PLEKHA5: variants seen among roughly 807,000 people sequenced by gnomAD.
PLEKHA5 encodes pleckstrin homology domain-containing family A member 5.
PLEKHA5 carries 55 observed loss-of-function variants against 181.9 expected under a neutral mutation model. The ratio of observed to expected loss-of-function variants is 0.30; its 90% CI spans 0.24 to 0.38. PLEKHA5 has a LOEUF of 0.38. PLEKHA5 is among the 10% of genes least tolerant of loss of function. The probability of loss-of-function intolerance (pLI) is 1.00; values close to 1 mark genes in which losing one functional copy is unlikely to be tolerated. For synonymous variants in PLEKHA5, 535 were observed against 529.4 expected (o/e 1.01, Z -0.15); for missense variants, 1,432 against 1,549.5 (o/e 0.92, Z 1.27).
At chr12:19,327,541 A>G (rs1592505466) in intron 20 of PLEKHA5, among the ~76,000 whole-genome samples, 1 of 151,436 alleles carries the variant, frequency 6.6e-6, no homozygotes, top group East Asian at 1.9e-4. Context: ...CTCATTCTGT[A>G]GGCTGTTTAC....
intron 3 of PLEKHA5, among the ~76,000 whole-genome samples, chr12:19,199,706 A>G (rs1353498560): frequency 1.3e-5 from 2 of 152,198 alleles, no homozygotes; most frequent in Non-Finnish European, 1.5e-5. Flanking sequence ...CACAGAAGCC[A>G]TGGAGGAAAA....
At chr12:19,263,773 T>G (rs540057225) in intron 7 of PLEKHA5, among the ~76,000 whole-genome samples, 4 of 152,152 alleles carry the variant, frequency 2.6e-5, no homozygotes, top group Non-Finnish European at 5.9e-5. Context: ...TTGGAGAGTG[T>G]TGTTCTTGGA....
intron 16 of PLEKHA5, among the ~76,000 whole-genome samples, chr12:19,319,056 AACTT>A (rs1327823540): frequency 1.2e-4 from 19 of 152,140 alleles, no homozygotes; most frequent in Non-Finnish European, 2.6e-4. Flanking sequence ...ACCTATTTAA[AACTT>A]ACTTCATATT....
intron 19 of PLEKHA5, 36 bp downstream of exon 19, chr12:19,322,426 T>C: frequency 6.4e-7 from 1 of 1,571,640 alleles, no homozygotes; most frequent in Non-Finnish European, 8.8e-7. Flanking sequence ...CAATTGATGT[T>C]ACTTAATATG....
rs1173046405 is a variant in PLEKHA5, at chr12:19,362,189, AAAG to A, written c.3608+484_3608+486del. On this transcript the variant is annotated intron_variant, in intron 29 of 31. Coordinates refer to ENST00000429027, the MANE Select transcript of PLEKHA5 (RefSeq NM_001256470.2). ...TCTCAAAAAAAAAAAAAAAAAAAAA[AAAG>A]GCATAATAACAGTATCTATCTGACA... is the stretch of plus-strand genomic sequence containing the variant. Among the ~76,000 whole-genome samples the A allele has an allele frequency of 4.2e-3, 533 of 126,672 alleles. 3 individuals carry two copies. The highest frequency in any genetic ancestry group is 0.013 in the African/African-American group (506 of 37,616). 83.1% of individuals were successfully genotyped at this position (126,672 alleles called of 152,430 possible).
At chr12:19,253,050 C>A (rs1014925403) in intron 3 of PLEKHA5, among the ~76,000 whole-genome samples, 5 of 97,682 alleles carry the variant, frequency 5.1e-5, no homozygotes, top group Non-Finnish European at 7.7e-5. Flanking sequence ...AGCTAAACAG[C>A]CAAATCAACT....
Position 19,290,575 on chromosome 12 carries a change from A to G in PLEKHA5, c.1864-102A>G, listed in dbSNP as rs1032497027. On this transcript the variant is annotated intron_variant, in intron 13 of 31. Coordinates refer to ENST00000429027, the MANE Select transcript of PLEKHA5 (RefSeq NM_001256470.2). The stretch of plus-strand genomic sequence containing the variant: ...CTAGGCACTATGTTTGATGTCAACC[A>G]TAAGAGGAAACTTGCCAAGAAATCT... 13 of 1,033,570 alleles carry G rather than the reference A, an allele frequency of 1.3e-5. No homozygotes were observed. The East Asian group carries it at 2.1e-4, about 17-fold the overall frequency. The allele number at this position is 1,033,570 out of a possible 1,614,324, so 64.0% of individuals were successfully genotyped here. A position where few individuals can be genotyped will look rare whatever the true frequency, so the allele number is the denominator to read the frequency against.
chr12:19,363,738 C>T (rs370802803), intron 29 of PLEKHA5, among the ~76,000 whole-genome samples: 212 of 152,106 alleles, frequency 1.4e-3, no homozygotes, highest in Middle Eastern at 3.4e-3. Context: ...GTGATCCACC[C>T]GCCTCAGCCT....
chr12:19,263,060 C>T lies in PLEKHA5; in HGVS notation c.610+2039C>T, dbSNP rs1186669126. ...TAACTCATTTCAGATGACTGCTCTG[C>T]AGGCTGTTGGAAAGAAGTATATGAT... On this transcript the variant is annotated intron_variant, in intron 7 of 31. Transcript: ENST00000429027. Among the ~76,000 whole-genome samples the T allele has an allele frequency of 4.6e-5, 7 of 152,260 alleles. No individual in the cohort carries two copies. The South Asian group carries it at 1.2e-3, about 27-fold the overall frequency.
intron 5 of PLEKHA5, among the ~76,000 whole-genome samples, chr12:19,255,425 G>A (rs1242848946): frequency 4.6e-5 from 7 of 151,992 alleles, no homozygotes; most frequent in Non-Finnish European, 7.4e-5. Flanking sequence ...AGTTTTAAAG[G>A]TGATTATTCA....
In PLEKHA5 at chr12:19,228,831, C is replaced by A. The variant is rs143689148; in HGVS notation, c.228-25109C>A. On this transcript the variant is annotated intron_variant, in intron 3 of 31. Transcript: ENST00000429027. ...AAAAATGCTTATTTTATGGAAAAAGCATTACACTCTAAATATTTGCTAAAC... is the reference window on the plus strand; with the variant it reads ...AAAAATGCTTATTTTATGGAAAAAGAATTACACTCTAAATATTTGCTAAAC... 1.3e-3 allele frequency among the ~76,000 whole-genome samples: 202 copies of A among 152,228 alleles called. 1 individual carries two copies. Among genetic ancestry groups the A allele is most frequent in the East Asian group, 0.011 (55 of 5,178 alleles).
intron 3 of PLEKHA5, among the ~76,000 whole-genome samples, chr12:19,248,204 TAG>T (rs2064280761): frequency 1.3e-5 from 2 of 152,024 alleles, no homozygotes; most frequent in Admixed American, 6.5e-5. Flanking sequence ...GCCTGAGGGA[TAG>T]AGTGTTTAAT....
chr12:19,223,144 A>G (rs1592117674), intron 3 of PLEKHA5, among the ~76,000 whole-genome samples: 1 of 151,768 alleles, frequency 6.6e-6, no homozygotes, highest in East Asian at 1.9e-4. Context: ...CGTGGCTCCT[A>G]AGTGGAAATG....
chr12:19,246,398 G>A (rs1288366109), intron 3 of PLEKHA5, among the ~76,000 whole-genome samples: 1 of 151,856 alleles, frequency 6.6e-6, no homozygotes, highest in East Asian at 2.0e-4. Flanking sequence ...GCTGAGGTGG[G>A]TGGATCATGA....
chr12:19,224,096 G>C (rs1438976072), intron 3 of PLEKHA5, among the ~76,000 whole-genome samples: 2 of 152,128 alleles, frequency 1.3e-5, no homozygotes, highest in Non-Finnish European at 1.5e-5. Flanking sequence ...TAGATTAACT[G>C]TCTTCCTCCA....
intron 3 of PLEKHA5, among the ~76,000 whole-genome samples, chr12:19,241,071 G>A (rs2062486858): frequency 6.6e-6 from 1 of 152,092 alleles, no homozygotes; most frequent in African/African-American, 2.4e-5. Context: ...TTGTATGCAA[G>A]CCATTATACT....
chr12:19,278,250 G>A (rs538803412), intron 11 of PLEKHA5, among the ~76,000 whole-genome samples: 39 of 152,250 alleles, frequency 2.6e-4, no homozygotes, highest in African/African-American at 9.1e-4. Flanking sequence ...ATATCCTGCT[G>A]TTAATGATCA....
chr12:19,358,249 G>A lies in PLEKHA5; in HGVS notation c.3160G>A (p.Glu1054Lys), dbSNP rs1213652385. The change falls in exon 27 of 32, where the codon GAA becomes AAA. Residue 1054 changes from glutamate to lysine, a missense_variant. Transcript: ENST00000429027. ...GAAGGAAAGACCAAGAAGTGCAGTG[G>A]AACAGCTCTGTTTGGCTGAAAGTAC... ...LRTERPRSAV[E>K]QLCLAESTRP... 1 of 1,613,520 alleles carries A rather than the reference G, an allele frequency of 6.2e-7. No homozygotes were observed. Among genetic ancestry groups the A allele is most frequent in the Non-Finnish European group, 8.5e-7 (1 of 1,179,524 alleles).
intron 15 of PLEKHA5, among the ~76,000 whole-genome samples, chr12:19,294,494 A>G (rs1215297444): frequency 2.0e-5 from 3 of 152,166 alleles, no homozygotes; most frequent in East Asian, 3.9e-4. Flanking sequence ...ACTATATATC[A>G]TAACAAATGA....
Sources: allele counts gnomAD v4.1 joint callset (sites outside exome capture counted in the v4.1 genomes callset), GRCh38; gene constraint gnomAD v4.1.1; transcripts MANE v1.5; gene names NCBI Gene and HGNC (gene_info 2026-07-23, HGNC 2026-07-21).